Variants in NACC2 observed in about 807,000 individuals in gnomAD.
NACC2 encodes nucleus accumbens-associated protein 2.
Under a neutral mutation model 25.1 loss-of-function variants are expected in NACC2, and 8 were observed. That is an observed-to-expected ratio of 0.32 (90% CI 0.19 to 0.57). The LOEUF is 0.57. NACC2 is among the 20% of genes least tolerant of loss of function. The pLI, the probability that NACC2 is intolerant of heterozygous loss-of-function variation, is 0.89. For synonymous variants in NACC2, 435 were observed against 294.7 expected (o/e 1.48, Z -4.88); for missense variants, 644 against 650.2 (o/e 0.99, Z 0.10).
chr9:136,016,399 T>A lies in NACC2; in HGVS notation c.917A>T (p.Glu306Val). 1.9e-6 allele frequency: 3 copies of A among 1,611,208 alleles called. No individual in the cohort carries two copies. ...GCGGATGAGGACGCAGGAGCGGCTCTCCAGCGGCACTGGCTCAGGCTTCTC... is the reference window on the plus strand; with the variant it reads ...GCGGATGAGGACGCAGGAGCGGCTCACCAGCGGCACTGGCTCAGGCTTCTC... ...VQEKPEPVPL[E>V]SRSCVLIRRD... Residue 306 changes from glutamate to valine, a missense_variant, in exon 3 of 6, where the codon GAG becomes GTG. Glu to Val is a moderately radical substitution (Grantham distance 121). Transcript: ENST00000277554.
chr9:136,024,263 CAGAGG>C (rs1840346472), intron 2 of NACC2, among the ~76,000 whole-genome samples: 2 of 51,798 alleles, frequency 3.9e-5, no homozygotes, highest in African/African-American at 1.7e-4. Flanking sequence ...TGTGTGAGGA[CAGAGG>C]GTGTGTGTGA....
intron 1 of NACC2, among the ~76,000 whole-genome samples, chr9:136,063,743 T>TGTG (rs961433100): frequency 1.1e-4 from 16 of 151,418 alleles, no homozygotes; most frequent in Admixed American, 3.9e-4. Context: ...ATTAGCCAGG[T>TGTG]GTGGTGGTGG....
intron 2 of NACC2, among the ~76,000 whole-genome samples, chr9:136,036,739 G>A (rs1840560233): frequency 6.6e-6 from 1 of 152,164 alleles, no homozygotes; most frequent in South Asian, 2.1e-4. Flanking sequence ...GCCTATAGAA[G>A]AAAAAGTCTA....
In NACC2 at chr9:136,072,203, A is replaced by C. The variant is rs186578913; in HGVS notation, c.-59-21623T>G. 4.5e-3 allele frequency among the ~76,000 whole-genome samples: 676 copies of C among 151,414 alleles called. 4 individuals carry two copies. The highest frequency in any genetic ancestry group is 8.0e-3 in the Non-Finnish European group (543 of 67,910). ...CAGTTAGCCGAGATCGTGCCATTGC[A>C]CTCTAGCCTGGGCAACAAGAGTGAA... On this transcript the variant is annotated intron_variant, in intron 1 of 5. Coordinates refer to ENST00000277554, the MANE Select transcript of NACC2 (RefSeq NM_144653.5).
chr9:136,070,193 G>A (rs1330120281), intron 1 of NACC2, among the ~76,000 whole-genome samples: 1 of 151,924 alleles, frequency 6.6e-6, no homozygotes, highest in Admixed American at 6.5e-5. Context: ...TAATCCATAT[G>A]TCAAAGAAGA....
intron 1 of NACC2, among the ~76,000 whole-genome samples, chr9:136,060,384 G>A (rs925099302): frequency 6.6e-6 from 1 of 152,320 alleles, no homozygotes; most frequent in South Asian, 2.1e-4. Context: ...GGTAATTACC[G>A]ATATGAAAAA....
rs1840236485 is a variant in NACC2, at chr9:136,018,492, AC to A, written c.887-2064del. ...TGAGAACCATGCGGGGTCTGAAACC[AC>A]CCACCCTGGAGTCACCCTGACACTC... On this transcript the variant is annotated intron_variant, in intron 2 of 5. Transcript: ENST00000277554. This position sits in a 1 kb window ranked among gnomAD's most constrained non-coding sequence, Gnocchi z 4.4. Among the ~76,000 whole-genome samples, 1 of 151,916 alleles carries A rather than the reference AC, an allele frequency of 6.6e-6. No homozygotes were observed.
intron 1 of NACC2, among the ~76,000 whole-genome samples, chr9:136,060,991 C>A (rs1264839949): frequency 1.3e-5 from 2 of 152,228 alleles, no homozygotes; most frequent in African/African-American, 2.4e-5. Flanking sequence ...GGCCTGAGGC[C>A]ATGGTTTGTT....
In NACC2 at chr9:136,084,496, C is replaced by G. The variant is rs370738262; in HGVS notation, c.-60+10693G>C. Among the ~76,000 whole-genome samples, 11 of 152,336 alleles carry G rather than the reference C, an allele frequency of 7.2e-5. No individual in the cohort carries two copies. In the East Asian group the frequency reaches 1.3e-3, roughly 19 times the overall value. On this transcript the variant is annotated intron_variant, in intron 1 of 5. Transcript: ENST00000277554. This position sits in a 1 kb window ranked among gnomAD's most constrained non-coding sequence, Gnocchi z 5.1. ...CAATCACCAGGAGGCCACAGACAAA[C>G]CTACCTCGAGGGTCCATCTATCAAA...
intron 2 of NACC2, among the ~76,000 whole-genome samples, chr9:136,039,831 C>G (rs908471413): frequency 6.6e-6 from 1 of 152,052 alleles, no homozygotes; most frequent in African/African-American, 2.4e-5. Context: ...ATGTTCCCCC[C>G]GAGAGAGAGC....
chr9:136,024,151 A>G (rs1840339589), intron 2 of NACC2, among the ~76,000 whole-genome samples: 1 of 88,202 alleles, frequency 1.1e-5, no homozygotes, highest in East Asian at 3.4e-4. Flanking sequence ...GTGTGTGGGG[A>G]CAGAGTGTGT....
intron 1 of NACC2, among the ~76,000 whole-genome samples, chr9:136,060,789 G>A (rs551499904): frequency 2.0e-5 from 3 of 152,328 alleles, no homozygotes; most frequent in South Asian, 2.1e-4. Context: ...CCAGCCTGCC[G>A]GTCTCCAGGC....
rs1275107912 is a variant in NACC2, at chr9:136,008,630, T to A, written c.*2886A>T. The stretch of plus-strand genomic sequence containing the variant: ...ATCTTGTAAACAAAGGAGGGAAGGG[T>A]CCGGCTTTCTTAATTGGTTTCCTTG... On this transcript the variant is annotated 3_prime_UTR_variant, in exon 6 of 6. Coordinates refer to ENST00000277554, the MANE Select transcript of NACC2 (RefSeq NM_144653.5). The A allele has an allele frequency of 6.6e-6, 1 of 151,944 alleles. No individual in the cohort carries two copies. The highest frequency in any genetic ancestry group is 2.4e-5 in the African/African-American group (1 of 41,348). The allele number at this position is 151,944 out of a possible 1,614,324, so 9.4% of individuals were successfully genotyped here.
chr9:136,066,502 A>C (rs1841082592), intron 1 of NACC2, among the ~76,000 whole-genome samples: 1 of 152,204 alleles, frequency 6.6e-6, no homozygotes, highest in South Asian at 2.1e-4. Context: ...ACAGAAAACA[A>C]AGGTTGGTGG....
chr9:136,063,661 T>C (rs1841042483), intron 1 of NACC2, among the ~76,000 whole-genome samples: 1 of 151,974 alleles, frequency 6.6e-6, no homozygotes, highest in Admixed American at 6.6e-5. Context: ...GGCGGGTGGA[T>C]CACCTGAGGC....
chr9:136,050,236 C>A lies in NACC2; in HGVS notation c.286G>T (p.Glu96Ter). The A allele has an allele frequency of 1.3e-6, 1 of 771,906 alleles. No individual in the cohort carries two copies. Among genetic ancestry groups the A allele is most frequent in the Non-Finnish European group, 2.4e-6 (1 of 415,660 alleles). The allele number at this position is 771,906 out of a possible 1,614,324, so 47.8% of individuals were successfully genotyped here. Reference protein sequence around the residue: ...YTGRLTMTASEQLVVMYTAGF... With the variant: ...YTGRLTMTAS ...GCCGTGTACATGACCACGAGCTGCT[C>A]GCTGGCCGTCATGGTGAGCCTGCCC... Residue 96 changes from glutamate (E) to a stop codon, truncating the protein, a stop_gained, in exon 2 of 6, where the codon GAG (glutamate) becomes TAG (stop). Coordinates refer to ENST00000277554, the MANE Select transcript of NACC2 (RefSeq NM_144653.5). LOFTEE classifies it high-confidence loss of function.
At chr9:136,026,625 AAT>A (rs1840395897) in intron 2 of NACC2, among the ~76,000 whole-genome samples, 1 of 152,180 alleles carries the variant, frequency 6.6e-6, no homozygotes, top group African/African-American at 2.4e-5. Flanking sequence ...TGTGCAGATA[AAT>A]ATAAACACAA....
At chr9:136,083,608 C>T (rs1830348064) in intron 1 of NACC2, among the ~76,000 whole-genome samples, 1 of 152,084 alleles carries the variant, frequency 6.6e-6, no homozygotes, top group Non-Finnish European at 1.5e-5. Flanking sequence ...GTGCAGAGGC[C>T]AGGCCGAGAC....
At chr9:136,073,005 A>G (rs983594507) in intron 1 of NACC2, among the ~76,000 whole-genome samples, 1 of 152,208 alleles carries the variant, frequency 6.6e-6, no homozygotes, top group Non-Finnish European at 1.5e-5. Flanking sequence ...GATAAACTGG[A>G]CTTTATCAAA....
Sources: allele counts gnomAD v4.1 joint callset (sites outside exome capture counted in the v4.1 genomes callset), GRCh38; gene constraint gnomAD v4.1.1; non-coding constraint Gnocchi (gnomAD v3.1); transcripts MANE v1.5; gene names NCBI Gene and HGNC (gene_info 2026-07-23, HGNC 2026-07-21).